Variants in AGBL3 observed in about 807,000 individuals in gnomAD.
AGBL3 encodes cytosolic carboxypeptidase 3.
A neutral mutation model predicts 94.5 loss-of-function variants in AGBL3; 68 were observed. The observed-to-expected ratio is 0.72, with a 90% confidence interval of 0.59 to 0.88. The LOEUF (loss-of-function observed/expected upper bound fraction) is 0.88. Among genes scored for constraint, AGBL3 ranks in the 40% least tolerant of loss-of-function variants. AGBL3 has a pLI of 0.00. For synonymous variants in AGBL3, 354 were observed against 370.7 expected (o/e 0.95, Z 0.52); for missense variants, 934 against 1,103.8 (o/e 0.85, Z 2.18).
intron 15 of AGBL3, among the ~76,000 whole-genome samples, chr7:135,105,755 A>T (rs982528470): frequency 6.6e-6 from 1 of 151,984 alleles, no homozygotes; most frequent in African/African-American, 2.4e-5. Flanking sequence ...TTTTACAATA[A>T]TTTTTTCTGG....
chr7:135,080,852 T>C (rs1174115895), intron 14 of AGBL3, among the ~76,000 whole-genome samples: 4 of 148,236 alleles, frequency 2.7e-5, no homozygotes, highest in South Asian at 2.2e-4. Context: ...AAATACCTAA[T>C]TTTTTATGTG....
At chr7:135,096,733 G>GAGAAAGAAAGAAAGAA (rs1441379719) in intron 15 of AGBL3, among the ~76,000 whole-genome samples, 1 of 51,150 alleles carries the variant, frequency 2.0e-5, no homozygotes, top group African/African-American at 7.6e-5. Context: ...AAGAAAGAAA[G>GAGAAAGAAAGAAAGAA]AGAAAGAATG....
At chr7:134,998,197 TAAC>T (rs111319083) in intron 4 of AGBL3, among the ~76,000 whole-genome samples, 8 of 152,314 alleles carry the variant, frequency 5.3e-5, no homozygotes, top group African/African-American at 1.2e-4. Flanking sequence ...CCTCTGTCAT[TAAC>T]AATTAATTGG....
At chr7:135,038,945 C>T (rs966304555) in intron 8 of AGBL3, among the ~76,000 whole-genome samples, 3 of 145,722 alleles carry the variant, frequency 2.1e-5, no homozygotes, top group Admixed American at 7.0e-5. Flanking sequence ...GACGATAGAG[C>T]GAGACTTTGT....
intron 16 of AGBL3, among the ~76,000 whole-genome samples, chr7:135,133,313 A>G (rs1324901019): frequency 2.0e-5 from 3 of 152,266 alleles, no homozygotes; most frequent in Non-Finnish European, 4.4e-5. Context: ...AAGATGTAGC[A>G]TGTTCATAAA....
intron 7 of AGBL3, among the ~76,000 whole-genome samples, chr7:135,036,236 T>G (rs1243636275): frequency 1.3e-5 from 2 of 152,280 alleles, no homozygotes; most frequent in African/African-American, 4.8e-5. Context: ...TTTCTTACTT[T>G]TTAAAGCCTT....
At chr7:135,025,800 A>G (rs1437667078) in intron 5 of AGBL3, among the ~76,000 whole-genome samples, 1 of 151,720 alleles carries the variant, frequency 6.6e-6, no homozygotes, top group Non-Finnish European at 1.5e-5. Flanking sequence ...TTCTTATATC[A>G]GATGAAACAG....
intron 8 of AGBL3, among the ~76,000 whole-genome samples, chr7:135,041,662 A>G (rs144458078): frequency 5.1e-4 from 78 of 152,228 alleles, no homozygotes; most frequent in African/African-American, 1.8e-3. Context: ...AGAAAATACC[A>G]AAAGCATTAT....
chr7:135,088,408 A>C (rs1821504627), intron 15 of AGBL3, among the ~76,000 whole-genome samples: 1 of 151,922 alleles, frequency 6.6e-6, no homozygotes, highest in African/African-American at 2.4e-5. Flanking sequence ...TATCATTGTC[A>C]TTTAATGGTT....
At chr7:135,065,859 C>T (rs993848391) in intron 12 of AGBL3, among the ~76,000 whole-genome samples, 2 of 152,052 alleles carry the variant, frequency 1.3e-5, no homozygotes, top group Admixed American at 1.3e-4. Context: ...CCACTGCACT[C>T]GAGCCTGAGC....
At chr7:135,017,836 C>T (rs1305678656) in intron 5 of AGBL3, among the ~76,000 whole-genome samples, 2 of 152,118 alleles carry the variant, frequency 1.3e-5, no homozygotes, top group Non-Finnish European at 2.9e-5. Context: ...ATCATATACT[C>T]ACAAACAACT....
At chr7:135,059,100 T>C in intron 11 of AGBL3, 69 bp from the exon 12 acceptor site, 1 of 1,200,842 alleles carries the variant, frequency 8.3e-7, no homozygotes, top group Non-Finnish European at 1.2e-6. Flanking sequence ...ATAAGATAAA[T>C]AAAAGCAACA....
chr7:135,022,288 T>G (rs1307912498), intron 5 of AGBL3, among the ~76,000 whole-genome samples: 2 of 152,248 alleles, frequency 1.3e-5, no homozygotes, highest in Non-Finnish European at 2.9e-5. Flanking sequence ...CCACCAACAA[T>G]GTAAACGTGT....
chr7:134,994,446 G>C (rs1810715224), intron 4 of AGBL3, among the ~76,000 whole-genome samples: 2 of 151,952 alleles, frequency 1.3e-5, no homozygotes, highest in East Asian at 3.8e-4. Context: ...TCCAAGTAAA[G>C]CTTATAGCCT....
chr7:135,108,335 G>T (rs996525269), intron 15 of AGBL3, among the ~76,000 whole-genome samples: 6 of 151,616 alleles, frequency 4.0e-5, no homozygotes, highest in African/African-American at 1.5e-4. Flanking sequence ...TAAGTGTTTT[G>T]GCTGGTATTG....
chr7:134,991,330 G>A (rs972802239), intron 3 of AGBL3, among the ~76,000 whole-genome samples: 4 of 152,010 alleles, frequency 2.6e-5, no homozygotes, highest in African/African-American at 9.7e-5. Context: ...ACCTTTCTCT[G>A]GTTGCTTTCT....
At chr7:135,060,975 C>T (rs980468445) in intron 12 of AGBL3, among the ~76,000 whole-genome samples, 3 of 151,766 alleles carry the variant, frequency 2.0e-5, no homozygotes, top group Non-Finnish European at 4.4e-5. Context: ...AACTTCCATA[C>T]TGTTTTCCAT....
At chr7:135,014,814 C>T (rs1182991059) in intron 4 of AGBL3, among the ~76,000 whole-genome samples, 1 of 152,160 alleles carries the variant, frequency 6.6e-6, no homozygotes, top group Admixed American at 6.5e-5. Context: ...GACATGGTAA[C>T]TGCTAAGCAC....
chr7:135,111,305 A>T lies in AGBL3; in HGVS notation c.2111-4075A>T, dbSNP rs575656698. On this transcript the variant is annotated intron_variant, in intron 15 of 16. Coordinates refer to ENST00000436302, the MANE Select transcript of AGBL3 (RefSeq NM_178563.4). ...ACTCACCTTCCTCAAAATATAGCCA[A>T]CATTCATTACCTTCACTTCCTCACT... Among the ~76,000 whole-genome samples the T allele has an allele frequency of 7.2e-5, 11 of 152,274 alleles. No individual in the cohort carries two copies. In the East Asian group the frequency reaches 2.1e-3, roughly 29 times the overall value.
Sources: gnomAD v4.1 joint callset for allele counts (sites outside exome capture counted in the v4.1 genomes callset) on GRCh38, gnomAD v4.1.1 for gene constraint, MANE v1.5 for transcripts, NCBI Gene and HGNC (gene_info 2026-07-23, HGNC 2026-07-21) for gene names.